The following VWC2L variants were observed in gnomAD, a reference collection of about 807,000 sequenced individuals.
The protein encoded by VWC2L is von Willebrand factor C domain-containing protein 2-like.
A neutral mutation model predicts 21.6 loss-of-function variants in VWC2L; 10 were observed. The ratio of observed to expected loss-of-function variants is 0.46; its 90% CI spans 0.29 to 0.78. The LOEUF (loss-of-function observed/expected upper bound fraction) is 0.78, where lower values mean the gene tolerates loss of function less well. Among genes scored for constraint, VWC2L ranks in the 30% least tolerant of loss-of-function variants. The pLI, the probability that VWC2L is intolerant of heterozygous loss-of-function variation, is 0.10. For missense variants in VWC2L, 209 were observed against 277.1 expected, an observed-to-expected ratio of 0.75 and a Z score of 1.74; for synonymous variants, 96 against 94.3, an observed-to-expected ratio of 1.02 and a Z score of -0.10.
chr2:214,506,242 T>C lies in VWC2L; in HGVS notation c.521-69430T>C, dbSNP rs185433884. On this transcript the variant is annotated intron_variant, in intron 3 of 3. Transcript: ENST00000312504. ...AAAAAGTAGAAATCAAACAAGTATATAGATGAAGGATTTATATCTGTAGCA... is the reference window on the plus strand; with the variant it reads ...AAAAAGTAGAAATCAAACAAGTATACAGATGAAGGATTTATATCTGTAGCA... Among the ~76,000 whole-genome samples the C allele has an allele frequency of 1.7e-3, 266 of 152,246 alleles. 1 individual carries two copies. The highest frequency in any genetic ancestry group is 5.9e-3 in the African/African-American group (247 of 41,560).
intron 3 of VWC2L, among the ~76,000 whole-genome samples, chr2:214,469,872 ATGATTT>A (rs1422950490): frequency 6.6e-6 from 1 of 152,174 alleles, no homozygotes; most frequent in Non-Finnish European, 1.5e-5. Context: ...TACTCGTGAT[ATGATTT>A]TTCTTTATGG....
At chr2:214,482,841 C>T (rs1048963958) in intron 3 of VWC2L, among the ~76,000 whole-genome samples, 3 of 151,902 alleles carry the variant, frequency 2.0e-5, no homozygotes, top group African/African-American at 4.8e-5. Context: ...GAATTTTTCC[C>T]CCTATTTCTC....
chr2:214,508,787 TTG>T (rs1486603384), intron 3 of VWC2L, among the ~76,000 whole-genome samples: 2 of 152,204 alleles, frequency 1.3e-5, no homozygotes, highest in Admixed American at 1.3e-4. Context: ...TGGGGCAATT[TTG>T]TGTTTTTTTG....
intron 1 of VWC2L, among the ~76,000 whole-genome samples, chr2:214,413,813 T>G (rs1308215340): frequency 2.0e-5 from 3 of 152,318 alleles, no homozygotes; most frequent in East Asian, 1.9e-4. Context: ...GATCACATTT[T>G]GGGGCTCAGT....
rs72943396 is a variant in VWC2L at position 214,529,777 on chromosome 2, G to T, written c.521-45895G>T. ...ACTATAATGTTTGAGGAAGTCAAAC[G>T]GTCACTATGTTTAATTTATATCTCA... On this transcript the variant is annotated intron_variant, in intron 3 of 3. Transcript: ENST00000312504. Among the ~76,000 whole-genome samples, 712 of 152,214 alleles carry T rather than the reference G, an allele frequency of 4.7e-3. 6 individuals are homozygous for T. The highest frequency in any genetic ancestry group is 0.021 in the Middle Eastern group (6 of 292).
At chr2:214,431,406 G>A (rs554733506) in intron 2 of VWC2L, among the ~76,000 whole-genome samples, 1 of 152,066 alleles carries the variant, frequency 6.6e-6, no homozygotes, top group Admixed American at 6.6e-5. Flanking sequence ...AGTAAACAAA[G>A]ATTTTCTTTG....
intron 2 of VWC2L, among the ~76,000 whole-genome samples, chr2:214,429,818 ATTTT>A (rs964417387): frequency 6.6e-6 from 1 of 151,838 alleles, no homozygotes; most frequent in Non-Finnish European, 1.5e-5. Flanking sequence ...ATTTTATTTT[ATTTT>A]TTATTATTAT....
At chr2:214,564,046 CATGA>C (rs1690022915) in intron 3 of VWC2L, among the ~76,000 whole-genome samples, 1 of 152,074 alleles carries the variant, frequency 6.6e-6, no homozygotes, top group African/African-American at 2.4e-5. Flanking sequence ...AGAGCCAAAT[CATGA>C]ATGAACTCCC....
chr2:214,514,150 A>G (rs1358375305), intron 3 of VWC2L, among the ~76,000 whole-genome samples: 1 of 129,776 alleles, frequency 7.7e-6, no homozygotes, highest in East Asian at 3.3e-4. Flanking sequence ...TAAGGTTCAT[A>G]TCAAAGGTTT....
intron 3 of VWC2L, among the ~76,000 whole-genome samples, chr2:214,450,552 T>A (rs1322430737): frequency 6.6e-6 from 1 of 152,228 alleles, no homozygotes. Context: ...CCTAATGTGG[T>A]GCATTCTTGT....
At chr2:214,481,654 A>T (rs2126197144) in intron 3 of VWC2L, among the ~76,000 whole-genome samples, 1 of 152,352 alleles carries the variant, frequency 6.6e-6, no homozygotes, top group East Asian at 1.9e-4. Context: ...CACAAATAAT[A>T]GTTTGACATC....
At chr2:214,457,375 G>A (rs971964438) in intron 3 of VWC2L, among the ~76,000 whole-genome samples, 2 of 151,982 alleles carry the variant, frequency 1.3e-5, no homozygotes, top group African/African-American at 4.8e-5. Context: ...TTTGTATTCT[G>A]CAATTTATCA....
At chr2:214,567,936 A>C (rs1359791183) in intron 3 of VWC2L, among the ~76,000 whole-genome samples, 1 of 152,216 alleles carries the variant, frequency 6.6e-6, no homozygotes, top group African/African-American at 2.4e-5. Flanking sequence ...GTTATCAACT[A>C]AGTCTGGATT....
chr2:214,490,389 C>T (rs1196109400), intron 3 of VWC2L, among the ~76,000 whole-genome samples: 1 of 150,242 alleles, frequency 6.7e-6, no homozygotes, highest in Non-Finnish European at 1.5e-5. Context: ...CAGTGTAGAT[C>T]ATATGTCTAC....
At chr2:214,483,081 T>C (rs192173779) in intron 3 of VWC2L, among the ~76,000 whole-genome samples, 46 of 152,250 alleles carry the variant, frequency 3.0e-4, no homozygotes, top group Admixed American at 2.9e-3. Flanking sequence ...ATCATATGAA[T>C]GAGGAGGCTT....
intron 3 of VWC2L, among the ~76,000 whole-genome samples, chr2:214,531,075 C>T (rs937449847): frequency 5.9e-5 from 9 of 152,124 alleles, no homozygotes; most frequent in African/African-American, 1.4e-4. Flanking sequence ...AACTGTGTTT[C>T]GGCATTGATC....
At chr2:214,574,252 T>C (rs1475961163) in intron 3 of VWC2L, among the ~76,000 whole-genome samples, 1 of 152,204 alleles carries the variant, frequency 6.6e-6, no homozygotes, top group Non-Finnish European at 1.5e-5. Context: ...CTGCTCTGCA[T>C]GGCTCTTCAC....
intron 3 of VWC2L, among the ~76,000 whole-genome samples, chr2:214,568,227 C>G (rs1199914178): frequency 6.6e-6 from 1 of 152,138 alleles, no homozygotes; most frequent in Non-Finnish European, 1.5e-5. Flanking sequence ...CACTCTGGAT[C>G]TAGGACCTTG....
At chr2:214,557,864 C>T (rs1689898011) in intron 3 of VWC2L, among the ~76,000 whole-genome samples, 1 of 152,212 alleles carries the variant, frequency 6.6e-6, no homozygotes, top group Admixed American at 6.5e-5. Context: ...CAACCTCTCT[C>T]TCCCACCAGA....
Sources: allele counts gnomAD v4.1 joint callset (sites outside exome capture counted in the v4.1 genomes callset), GRCh38; gene constraint gnomAD v4.1.1; transcripts MANE v1.5; gene names NCBI Gene and HGNC (gene_info 2026-07-23, HGNC 2026-07-21).